SPTLC1: variants seen among roughly 807,000 people sequenced by gnomAD.
SPTLC1 encodes serine palmitoyltransferase long chain base subunit 1.
In SPTLC1, 55 loss-of-function variants were observed where a neutral mutation model predicts 68.9. The ratio of observed to expected loss-of-function variants is 0.80; its 90% CI spans 0.64 to 1.00. SPTLC1 has a LOEUF of 1.00. Ranked by LOEUF, SPTLC1 falls within the 50% of genes least tolerant of loss-of-function variation. SPTLC1 has a pLI of 0.00. For missense variants in SPTLC1, 449 were observed against 573.1 expected (o/e 0.78, Z 2.21); for synonymous variants, 197 against 201.6 (o/e 0.98, Z 0.19).
Position 92,071,556 on chromosome 9 carries a change from G to A in SPTLC1, c.428-3458C>T, listed in dbSNP as rs192664344. Among the ~76,000 whole-genome samples the A allele has an allele frequency of 2.0e-3, 307 of 152,312 alleles. 1 individual carries two copies. The highest frequency in any genetic ancestry group is 7.2e-3 in the African/African-American group (301 of 41,564). Reference sequence around the variant, plus strand: ...GGTATCTTATGTGATCCTTAGCAAAGTGTTCTAAAGCCATGCAAGCAATGA... The same window carrying A: ...GGTATCTTATGTGATCCTTAGCAAAATGTTCTAAAGCCATGCAAGCAATGA... On this transcript the variant is annotated intron_variant, in intron 5 of 14. Transcript: ENST00000262554.
At chr9:92,059,412 A>G in intron 6 of SPTLC1, 104 bp from the exon 7 acceptor site, 1 of 1,153,100 alleles carries the variant, frequency 8.7e-7, no homozygotes, top group Non-Finnish European at 1.3e-6. Context: ...GATTGTTAAC[A>G]TGAGCATAGC....
intron 3 of SPTLC1, chr9:92,104,603 C>T: frequency 6.8e-7 from 1 of 1,477,808 alleles, no homozygotes; most frequent in Non-Finnish European, 9.1e-7. Flanking sequence ...CCTTCAACTT[C>T]CTTCATTAGA....
intron 12 of SPTLC1, among the ~76,000 whole-genome samples, chr9:92,041,702 A>C (rs1336947680): frequency 6.6e-6 from 1 of 152,244 alleles, no homozygotes; most frequent in Non-Finnish European, 1.5e-5. Context: ...TTAAATTATA[A>C]ACAGATATAA....
chr9:92,062,080 GCTGT>G lies in SPTLC1; in HGVS notation c.561-2776_561-2773del, dbSNP rs1430903716. On this transcript the variant is annotated intron_variant, in intron 6 of 14. Transcript: ENST00000262554. ...ATTAAATAACATGACCCAACTATAT[GCTGT>G]CTGTAAGAAACTCACTACAAATATA... is the stretch of plus-strand genomic sequence containing the variant. Among the ~76,000 whole-genome samples, 51 of 152,158 alleles carry G rather than the reference GCTGT, an allele frequency of 3.4e-4. 1 individual carries two copies. Among genetic ancestry groups the G allele is most frequent in the Non-Finnish European group, 1.3e-4 (9 of 67,984 alleles).
chr9:92,039,659 T>C (rs1327760672), intron 12 of SPTLC1, among the ~76,000 whole-genome samples: 2 of 152,208 alleles, frequency 1.3e-5, no homozygotes, highest in East Asian at 3.8e-4. Context: ...CTAAAACGAT[T>C]TGTTTTTCCC....
rs567353464 is a variant in SPTLC1, at chr9:92,098,381, C to T, written c.260+10359G>A. Among the ~76,000 whole-genome samples, 28 of 152,246 alleles carry T rather than the reference C, an allele frequency of 1.8e-4. No individual in the cohort carries two copies. The East Asian group carries it at 3.1e-3, about 17-fold the overall frequency. ...CACAGCGCGACTTCCCTGGCCCTCCCCCTGCGGACCAGTGAACCTCGCCCG... is the reference window on the plus strand; with the variant it reads ...CACAGCGCGACTTCCCTGGCCCTCCTCCTGCGGACCAGTGAACCTCGCCCG... On this transcript the variant is annotated intron_variant, in intron 3 of 14. Transcript: ENST00000262554.
At chr9:92,067,758 C>G (rs1357083455) in intron 6 of SPTLC1, among the ~76,000 whole-genome samples, 1 of 152,144 alleles carries the variant, frequency 6.6e-6, no homozygotes, top group African/African-American at 2.4e-5. Context: ...TAAATAATTA[C>G]CATGGCAGAT....
At chr9:92,061,862 C>T (rs1439613706) in intron 6 of SPTLC1, among the ~76,000 whole-genome samples, 4 of 151,934 alleles carry the variant, frequency 2.6e-5, no homozygotes, top group Non-Finnish European at 5.9e-5. Flanking sequence ...AAAGTAAATT[C>T]TAAAAACATG....
At chr9:92,106,041 C>T (rs1835967109) in intron 3 of SPTLC1, among the ~76,000 whole-genome samples, 1 of 145,386 alleles carries the variant, frequency 6.9e-6, no homozygotes, top group South Asian at 2.2e-4. Context: ...TCTGCCCGGC[C>T]CCCTCACCGT....
chr9:92,043,118 T>C (rs1367507982), intron 12 of SPTLC1, among the ~76,000 whole-genome samples: 1 of 152,164 alleles, frequency 6.6e-6, no homozygotes, highest in Non-Finnish European at 1.5e-5. Flanking sequence ...CACACTCCCC[T>C]GAAACTACTC....
chr9:92,060,155 C>G (rs1834037409), intron 6 of SPTLC1, among the ~76,000 whole-genome samples: 1 of 152,164 alleles, frequency 6.6e-6, no homozygotes, highest in African/African-American at 2.4e-5. Context: ...TGTTCCTCCT[C>G]CTGGCAGTAT....
chr9:92,072,056 C>T (rs556550472), intron 5 of SPTLC1, among the ~76,000 whole-genome samples: 1 of 152,312 alleles, frequency 6.6e-6, no homozygotes, highest in East Asian at 1.9e-4. Flanking sequence ...CTCACTTGCA[C>T]GCGAGTGAAT....
rs1564125080 is a variant in SPTLC1 at position 92,115,311 on chromosome 9, C to G, written c.57+3G>C. 2 of 1,611,916 alleles carry G rather than the reference C, an allele frequency of 1.2e-6. No individual in the cohort carries two copies. The highest frequency in any genetic ancestry group is 1.7e-6 in the Non-Finnish European group (2 of 1,179,928). On this transcript the variant is annotated splice_donor_region_variant and intron_variant, in intron 1 of 14. Transcript: ENST00000262554. ...CGCGGACCGCTAATGGCGCGGAGCC[C>G]ACCTCGTAAAGCGCCTGTACCATCT...
At chr9:92,105,496 A>T (rs1835927378) in intron 3 of SPTLC1, 1 of 730,176 alleles carries the variant, frequency 1.4e-6, no homozygotes, top group East Asian at 2.7e-5. Context: ...GGAGGTCAAG[A>T]GATTGAGACC....
intron 3 of SPTLC1, among the ~76,000 whole-genome samples, chr9:92,084,752 T>C (rs76093182): frequency 0.075 from 11,384 of 151,368 alleles, 723 homozygotes; most frequent in East Asian, 0.26. Context: ...GATGCTGGCC[T>C]CATAAAATGA....
At chr9:92,052,879 C>T (rs1482938407) in intron 8 of SPTLC1, among the ~76,000 whole-genome samples, 3 of 151,812 alleles carry the variant, frequency 2.0e-5, no homozygotes, top group Non-Finnish European at 4.4e-5. Context: ...CAAGCAACAA[C>T]AAAACACATA....
Position 92,031,420 on chromosome 9 carries a change from T to C in SPTLC1, c.*1045A>G, listed in dbSNP as rs1832962401. 6.6e-6 allele frequency: 1 copy of C among 152,356 alleles called. No homozygotes were observed. Among genetic ancestry groups the C allele is most frequent in the Non-Finnish European group, 1.5e-5 (1 of 68,014 alleles). 9.4% of individuals were successfully genotyped at this position (152,356 alleles called of 1,614,324 possible). ...GATGGCATAATATTTATATGCTATA[T>C]TGTGGCACGTATAACAAACCTTTAC... On this transcript the variant is annotated 3_prime_UTR_variant, in exon 15 of 15. Coordinates refer to ENST00000262554, the MANE Select transcript of SPTLC1 (RefSeq NM_006415.4).
intron 5 of SPTLC1, among the ~76,000 whole-genome samples, chr9:92,073,882 C>A (rs565156985): frequency 6.6e-6 from 1 of 152,228 alleles, no homozygotes; most frequent in Non-Finnish European, 1.5e-5. Flanking sequence ...AACTGCCCCT[C>A]TGGGACCTTG....
intron 14 of SPTLC1, 68 bp from the exon 15 acceptor site, chr9:92,032,626 C>T: frequency 6.2e-7 from 1 of 1,605,472 alleles, no homozygotes; most frequent in Non-Finnish European, 8.5e-7. Flanking sequence ...GCCTGTAATC[C>T]CAGCACTTTG....
Sources: allele counts gnomAD v4.1 joint callset (sites outside exome capture counted in the v4.1 genomes callset), GRCh38; gene constraint gnomAD v4.1.1; transcripts MANE v1.5; gene names NCBI Gene and HGNC (gene_info 2026-07-23, HGNC 2026-07-21).